FLT1: variants seen among roughly 807,000 people sequenced by gnomAD.
FLT1 encodes the protein fms related receptor tyrosine kinase 1.
A neutral mutation model predicts 156.3 loss-of-function variants in FLT1; 49 were observed. The ratio of observed to expected loss-of-function variants is 0.31; its 90% CI spans 0.25 to 0.40. The LOEUF is 0.40. FLT1 is among the 10% of genes least tolerant of loss of function. FLT1 has a pLI of 1.00. For missense variants in FLT1, 1,322 were observed against 1,637.2 expected (o/e 0.81, Z 3.32); for synonymous variants, 594 against 583.8 (o/e 1.02, Z -0.25).
At chr13:28,342,784 A>G (rs1391349665) in intron 16 of FLT1, among the ~76,000 whole-genome samples, 1 of 152,190 alleles carries the variant, frequency 6.6e-6, no homozygotes, top group East Asian at 1.9e-4. Flanking sequence ...ATTTATTGAC[A>G]TACTACATAA....
At chr13:28,333,962 C>T in intron 18 of FLT1, 63 bp downstream of exon 18, 1 of 1,035,364 alleles carries the variant, frequency 9.7e-7, no homozygotes, top group African/African-American at 1.6e-5. Flanking sequence ...CTAACTTGTA[C>T]CAACATTTAG....
intron 3 of FLT1, among the ~76,000 whole-genome samples, chr13:28,449,233 T>A (rs1484025949): frequency 6.6e-6 from 1 of 152,132 alleles, no homozygotes; most frequent in Non-Finnish European, 1.5e-5. Flanking sequence ...GCAGTGTCAC[T>A]GCACTCTGGC....
chr13:28,313,804 G>T (rs146872977), intron 25 of FLT1, among the ~76,000 whole-genome samples: 2 of 151,712 alleles, frequency 1.3e-5, no homozygotes, highest in Non-Finnish European at 2.9e-5. Context: ...GGGCGCCAAT[G>T]GCTCCAGATA....
chr13:28,337,651 G>T (rs1266042688), intron 17 of FLT1, among the ~76,000 whole-genome samples: 1 of 152,188 alleles, frequency 6.6e-6, no homozygotes, highest in African/African-American at 2.4e-5. Context: ...GAAAGGAAAA[G>T]AGTGATAAGA....
At chr13:28,444,137 C>G (rs1219022870) in intron 3 of FLT1, among the ~76,000 whole-genome samples, 2 of 151,950 alleles carry the variant, frequency 1.3e-5, no homozygotes, top group African/African-American at 4.8e-5. Context: ...ATTTCAATAC[C>G]CCACTTTCAA....
intron 3 of FLT1, 111 bp downstream of exon 3, chr13:28,466,792 A>T: frequency 2.6e-6 from 2 of 774,004 alleles, no homozygotes; most frequent in South Asian, 2.9e-5. Context: ...CTCTTTCCTA[A>T]CCCGTTTCTT....
At chr13:28,339,419 G>T in intron 16 of FLT1, 119 bp from the exon 17 acceptor site, 2 of 1,064,186 alleles carry the variant, frequency 1.9e-6, no homozygotes, top group Non-Finnish European at 2.7e-6. Flanking sequence ...GTGGCCAGGT[G>T]CAGAAAGTAC....
At chr13:28,436,131 T>C (rs1878010663) in intron 4 of FLT1, among the ~76,000 whole-genome samples, 1 of 152,224 alleles carries the variant, frequency 6.6e-6, no homozygotes, top group African/African-American at 2.4e-5. Context: ...TAACTTTACA[T>C]TTAGCTGACA....
chr13:28,465,625 C>T (rs773265444), intron 3 of FLT1, among the ~76,000 whole-genome samples: 44 of 152,108 alleles, frequency 2.9e-4, no homozygotes, highest in Non-Finnish European at 6.0e-4. Context: ...GGTGGATCAC[C>T]TGAGGTCAGG....
At chr13:28,473,131 G>T (rs1049949511) in intron 1 of FLT1, among the ~76,000 whole-genome samples, 1 of 151,982 alleles carries the variant, frequency 6.6e-6, no homozygotes, top group Admixed American at 6.6e-5. Flanking sequence ...GGAGAAACTG[G>T]AACCCTCTTA....
intron 11 of FLT1, 32 bp from the exon 12 acceptor site, chr13:28,397,100 C>T (rs1875095527): frequency 7.6e-7 from 1 of 1,315,234 alleles, no homozygotes; most frequent in Non-Finnish European, 1.1e-6. Context: ...TAGCTAGCAA[C>T]AGGACAAATA....
chr13:28,445,599 A>G (rs1244508052), intron 3 of FLT1, among the ~76,000 whole-genome samples: 1 of 152,204 alleles, frequency 6.6e-6, no homozygotes, highest in East Asian at 1.9e-4. Flanking sequence ...GACACAAACT[A>G]CTGAAACAAG....
intron 14 of FLT1, among the ~76,000 whole-genome samples, chr13:28,367,515 C>T (rs1465615931): frequency 4.6e-5 from 7 of 152,150 alleles, no homozygotes; most frequent in Admixed American, 4.6e-4. Flanking sequence ...CTGTAGATAG[C>T]TTTATTTCTT....
Position 28,322,721 on chromosome 13 carries a change from A to G in FLT1, c.2953+69T>C. On this transcript the variant is annotated intron_variant, in intron 21 of 29. Coordinates refer to ENST00000282397, the MANE Select transcript of FLT1 (RefSeq NM_002019.4). This position sits in a 1 kb window ranked among gnomAD's most constrained non-coding sequence, Gnocchi z 4.3. ...TTATTAGAGTGATAAATAAGAAAAA[A>G]ATTTCAGAGATGCATAGTATGTTGT... is the stretch of plus-strand genomic sequence containing the variant. 6.7e-7 allele frequency: 1 copy of G among 1,482,868 alleles called. No homozygotes were observed. The highest frequency in any genetic ancestry group is 9.4e-7 in the Non-Finnish European group (1 of 1,064,208). 91.9% of individuals were successfully genotyped at this position (1,482,868 alleles called of 1,614,324 possible).
intron 11 of FLT1, among the ~76,000 whole-genome samples, chr13:28,400,451 A>G (rs527548651): frequency 2.0e-5 from 3 of 152,338 alleles, no homozygotes; most frequent in East Asian, 1.9e-4. Context: ...TTCAGGGGAT[A>G]TATTTTTAAA....
intron 1 of FLT1, among the ~76,000 whole-genome samples, chr13:28,473,826 GAAAGAAAGA>G (rs1566050930): frequency 3.6e-4 from 44 of 122,908 alleles, no homozygotes; most frequent in African/African-American, 6.7e-4. Flanking sequence ...AAGAAAGAAA[GAAAGAAAGA>G]AAGGAAGAAA....
Position 28,353,965 on chromosome 13 carries a change from C to T in FLT1, c.2248+3589G>A, listed in dbSNP as rs1421354683. Among the ~76,000 whole-genome samples, 3 of 152,306 alleles carry T rather than the reference C, an allele frequency of 2.0e-5. No individual in the cohort carries two copies. The East Asian group carries it at 5.8e-4, about 29-fold the overall frequency. On this transcript the variant is annotated intron_variant, in intron 15 of 29. Transcript: ENST00000282397. ...CAGACAGTTTCCTTCCTGGCTAATT[C>T]ACCAACCTCTTTAAATCTGTTAAAC... is the stretch of plus-strand genomic sequence containing the variant.
chr13:28,332,716 C>T (rs1395866194), intron 18 of FLT1, among the ~76,000 whole-genome samples: 1 of 152,160 alleles, frequency 6.6e-6, no homozygotes, highest in African/African-American at 2.4e-5. Flanking sequence ...CCTTTCTTGG[C>T]CATGTTTCCT....
At chr13:28,427,061 C>T (rs1264505781) in intron 10 of FLT1, 98 bp downstream of exon 10, 3 of 1,125,838 alleles carry the variant, frequency 2.7e-6, no homozygotes, top group Non-Finnish European at 4.1e-6. Context: ...ATATACAGTA[C>T]ATCCCACATG....
Sources: gnomAD v4.1 joint callset for allele counts (sites outside exome capture counted in the v4.1 genomes callset) on GRCh38, gnomAD v4.1.1 for gene constraint, Gnocchi (gnomAD v3.1) non-coding constraint, MANE v1.5 for transcripts, NCBI Gene and HGNC (gene_info 2026-07-23, HGNC 2026-07-21) for gene names.